Variants in GRK3 observed in about 807,000 individuals in gnomAD.
GRK3 encodes the protein adrenergic, beta, receptor kinase 2.
In GRK3, 54 loss-of-function variants were observed where a neutral mutation model predicts 95.7. The ratio of observed to expected loss-of-function variants is 0.56; its 90% CI spans 0.45 to 0.71. The LOEUF (loss-of-function observed/expected upper bound fraction) is 0.71, where lower values mean the gene tolerates loss of function less well. Among genes scored for constraint, GRK3 ranks in the 30% least tolerant of loss-of-function variants. GRK3 has a pLI of 0.00. For synonymous variants in GRK3, 281 were observed against 290.8 expected (o/e 0.97, Z 0.34); for missense variants, 649 against 851.2 (o/e 0.76, Z 2.96).
At chr22:25,651,448 G>C (rs2084830109) in intron 3 of GRK3, among the ~76,000 whole-genome samples, 1 of 152,180 alleles carries the variant, frequency 6.6e-6, no homozygotes, top group South Asian at 2.1e-4. Context: ...GTTGGCAATG[G>C]TTCTCGTACT....
At chr22:25,628,557 G>C (rs374534260) in intron 2 of GRK3, among the ~76,000 whole-genome samples, 22 of 152,334 alleles carry the variant, frequency 1.4e-4, no homozygotes, top group African/African-American at 4.8e-4. Flanking sequence ...GATCTCCAAG[G>C]CATAGTGTTT....
Position 25,674,427 on chromosome 22 carries a change from G to A in GRK3, c.556-10G>A, listed in dbSNP as rs750531032. The A allele has an allele frequency of 6.2e-6, 10 of 1,605,544 alleles. No homozygotes were observed. In the South Asian group the frequency reaches 1.1e-4, roughly 18 times the overall value. On this transcript the variant is annotated splice_polypyrimidine_tract_variant and intron_variant, in intron 7 of 20. Coordinates refer to ENST00000324198, the MANE Select transcript of GRK3 (RefSeq NM_005160.4). ...ATCTTATGTTTTCATTTTGTGTTTG[G>A]ATTTCCCAGTTGACCATGAATGAGT...
intron 3 of GRK3, among the ~76,000 whole-genome samples, chr22:25,645,680 T>G (rs1219538677): frequency 6.6e-6 from 1 of 152,020 alleles, no homozygotes; most frequent in Non-Finnish European, 1.5e-5. Context: ...CCCAGCACTT[T>G]GGGAGGCCGA....
chr22:25,665,949 C>T (rs1473021348), intron 5 of GRK3, among the ~76,000 whole-genome samples: 1 of 152,214 alleles, frequency 6.6e-6, no homozygotes, highest in Non-Finnish European at 1.5e-5. Context: ...CTAAAATGCA[C>T]TGTGCCCTGA....
At position 25,718,367 on chromosome 22, in the gene GRK3, G is replaced by C. The variant is rs1045020822; in HGVS notation, c.1777G>C (p.Glu593Gln). 1.2e-6 allele frequency: 2 copies of C among 1,614,124 alleles called. No homozygotes were observed. The highest frequency in any genetic ancestry group is 1.7e-6 in the Non-Finnish European group (2 of 1,179,996). Residue 593 changes from glutamate (E) to glutamine (Q), a missense_variant, in exon 19 of 21, where the codon GAG (glutamate) becomes CAG (glutamine). By Grantham distance (29) the Glu-to-Gln change is conservative. Around this residue, in one of 3 missense-constraint regions of GRK3, gnomAD observed 382 missense variants for 493.8 expected, o/e 0.77. Coordinates refer to ENST00000324198, the MANE Select transcript of GRK3 (RefSeq NM_005160.4). ...LFPNRLEWRGEGESRQNLLTM... is the reference protein window; with the variant it reads ...LFPNRLEWRGQGESRQNLLTM... ...TCCAAATAGACTTGAATGGAGAGGAGAGGGAGAGTCCCGGGTAAGTCTAAG... is the reference window on the plus strand; with the variant it reads ...TCCAAATAGACTTGAATGGAGAGGACAGGGAGAGTCCCGGGTAAGTCTAAG...
At chr22:25,573,236 G>C (rs1931768946) in intron 1 of GRK3, among the ~76,000 whole-genome samples, 1 of 152,144 alleles carries the variant, frequency 6.6e-6, no homozygotes, top group South Asian at 2.1e-4. Flanking sequence ...ACTGAGCTGA[G>C]TAAGAATATC....
At chr22:25,565,551 C>T (rs570254800) in intron 1 of GRK3, among the ~76,000 whole-genome samples, 3 of 152,178 alleles carry the variant, frequency 2.0e-5, no homozygotes, top group Admixed American at 2.0e-4. Flanking sequence ...CCTGTCACTG[C>T]TTTGCGCTCC....
chr22:25,635,499 G>A (rs917983265), intron 2 of GRK3, among the ~76,000 whole-genome samples: 4 of 151,962 alleles, frequency 2.6e-5, no homozygotes, highest in African/African-American at 9.7e-5. Context: ...ATTTTTCCTG[G>A]TTCAGGATTG....
chr22:25,594,765 G>C (rs150931923), intron 1 of GRK3, among the ~76,000 whole-genome samples: 3,459 of 151,804 alleles, frequency 0.023, 62 homozygotes, highest in Middle Eastern at 0.068. Context: ...GTAGTCCCAG[G>C]TACTCGGGAG....
At chr22:25,676,535 C>T (rs2085031121) in intron 8 of GRK3, among the ~76,000 whole-genome samples, 1 of 151,816 alleles carries the variant, frequency 6.6e-6, no homozygotes, top group South Asian at 2.1e-4. Flanking sequence ...ACTAAAAATA[C>T]AAAAAATTAG....
At chr22:25,622,334 G>T (rs1032844462) in intron 2 of GRK3, among the ~76,000 whole-genome samples, 11 of 152,212 alleles carry the variant, frequency 7.2e-5, no homozygotes, top group African/African-American at 2.4e-4. Flanking sequence ...GCGTCTGAGG[G>T]TATCAGCCAG....
In GRK3 at chr22:25,663,757, C is replaced by G. The variant is rs530329711; in HGVS notation, c.441+53C>G. The G allele has an allele frequency of 7.7e-6, 10 of 1,305,808 alleles. No homozygotes were observed. In the South Asian group the frequency reaches 1.1e-4, roughly 14 times the overall value. 80.9% of individuals were successfully genotyped at this position (1,305,808 alleles called of 1,614,324 possible). A position where few individuals can be genotyped will look rare whatever the true frequency, so the allele number is the denominator to read the frequency against. On this transcript the variant is annotated intron_variant, in intron 5 of 20. Coordinates refer to ENST00000324198, the MANE Select transcript of GRK3 (RefSeq NM_005160.4). ...AGATAATATTTGCTTAACACTTGGC[C>G]TTGGTGACATTCTTTTTGCATGTGC... is the stretch of plus-strand genomic sequence containing the variant.
At chr22:25,583,012 A>C (rs1932155343) in intron 1 of GRK3, among the ~76,000 whole-genome samples, 1 of 152,202 alleles carries the variant, frequency 6.6e-6, no homozygotes, top group African/African-American at 2.4e-5. Context: ...ATTACATTGC[A>C]TGACCTTCTG....
rs574377728 is a variant in GRK3, at chr22:25,574,150, G to A, written c.113+8997G>A. On this transcript the variant is annotated intron_variant, in intron 1 of 20. Coordinates refer to ENST00000324198, the MANE Select transcript of GRK3 (RefSeq NM_005160.4). The stretch of plus-strand genomic sequence containing the variant: ...AATATGTCTGGTTATATTTTCAGGT[G>A]TATTTCTTGTAATTTTTTTTGTATC... Among the ~76,000 whole-genome samples, 27 of 152,278 alleles carry A rather than the reference G, an allele frequency of 1.8e-4. 1 individual carries two copies. The highest frequency in any genetic ancestry group is 1.6e-3 in the Admixed American group (25 of 15,304).
intron 2 of GRK3, among the ~76,000 whole-genome samples, chr22:25,623,935 T>C (rs185775595): frequency 1.3e-5 from 2 of 152,326 alleles, no homozygotes; most frequent in East Asian, 3.9e-4. Context: ...CTGGGAAACA[T>C]AGCCTCCGGC....
intron 3 of GRK3, among the ~76,000 whole-genome samples, chr22:25,660,293 C>A (rs1236157961): frequency 1.3e-5 from 2 of 152,060 alleles, no homozygotes; most frequent in Non-Finnish European, 1.5e-5. Flanking sequence ...ATGGTTAAGC[C>A]CTGGTCTTTT....
intron 3 of GRK3, among the ~76,000 whole-genome samples, chr22:25,661,194 C>A (rs16980523): frequency 0.078 from 11,923 of 152,220 alleles, 498 homozygotes; most frequent in Middle Eastern, 0.15. Flanking sequence ...ATTCCCTATC[C>A]TAACTCCTAG....
intron 2 of GRK3, among the ~76,000 whole-genome samples, chr22:25,624,238 A>G (rs1376223667): frequency 1.3e-5 from 2 of 152,120 alleles, no homozygotes; most frequent in East Asian, 3.8e-4. Context: ...TATGCTCTTC[A>G]GAGAGATTCA....
At chr22:25,597,794 C>T (rs773577392) in intron 1 of GRK3, among the ~76,000 whole-genome samples, 34 of 152,170 alleles carry the variant, frequency 2.2e-4, no homozygotes, top group Non-Finnish European at 4.6e-4. Flanking sequence ...ATAACCTATG[C>T]ACGCAGAAGA....
Sources: allele counts gnomAD v4.1 joint callset (sites outside exome capture counted in the v4.1 genomes callset), GRCh38; gene constraint gnomAD v4.1.1; regional missense constraint gnomAD v4.1.1; transcripts MANE v1.5; gene names NCBI Gene and HGNC (gene_info 2026-07-23, HGNC 2026-07-21).